The following KLHL7 variants were observed in gnomAD, a reference collection of about 807,000 sequenced individuals.
The protein encoded by KLHL7 is kelch like family member 7, also known as kelch-like protein 7.
A neutral mutation model predicts 67.4 loss-of-function variants in KLHL7; 44 were observed. That is an observed-to-expected ratio of 0.65 (90% CI 0.51 to 0.84). KLHL7 has a LOEUF of 0.84. Ranked by LOEUF, KLHL7 falls within the 40% of genes least tolerant of loss-of-function variation. KLHL7 has a pLI of 0.00. For missense variants in KLHL7, 362 were observed against 718.1 expected (o/e 0.50, Z 5.67); for synonymous variants, 252 against 243.3 (o/e 1.04, Z -0.33).
At chr7:23,163,449 G>C (rs1211286764) in intron 7 of KLHL7, among the ~76,000 whole-genome samples, 1 of 152,206 alleles carries the variant, frequency 6.6e-6, no homozygotes, top group East Asian at 1.9e-4. Context: ...TGGGATTAGA[G>C]GCATGAGCCA....
intron 2 of KLHL7, 92 bp from the exon 3 acceptor site, chr7:23,124,596 T>A: frequency 1.3e-6 from 1 of 791,898 alleles, no homozygotes; most frequent in Admixed American, 1.8e-5. Context: ...CCGTTATTTT[T>A]CTGCATATTT....
At chr7:23,118,546 C>G (rs59766914) in intron 1 of KLHL7, among the ~76,000 whole-genome samples, 1 of 152,128 alleles carries the variant, frequency 6.6e-6, no homozygotes, top group African/African-American at 2.4e-5. Context: ...TATCTGTTGT[C>G]GGTGTCCTCT....
In KLHL7 at chr7:23,140,940, A is replaced by T. The variant is rs575964171; in HGVS notation, c.614A>T (p.Asp205Val). ...GACACTCTGACTGTGAGAGCAGAGGATCAGGTGACTAAATTGCCTTCTCAC... is the reference window on the plus strand; with the variant it reads ...GACACTCTGACTGTGAGAGCAGAGGTTCAGGTGACTAAATTGCCTTCTCAC... ...NQDTLTVRAE[D>V]QVYDAAVRWL... Residue 205 changes from aspartate to valine, a missense_variant, in exon 5 of 11, where the codon GAT becomes GTT. Transcript: ENST00000339077. 6.2e-7 allele frequency: 1 copy of T among 1,613,286 alleles called. No individual in the cohort carries two copies. The highest frequency in any genetic ancestry group is 1.3e-5 in the African/African-American group (1 of 75,054).
intron 9 of KLHL7, among the ~76,000 whole-genome samples, chr7:23,171,384 A>G (rs1785157073): frequency 6.6e-6 from 1 of 152,154 alleles, no homozygotes; most frequent in Non-Finnish European, 1.5e-5. Flanking sequence ...TGTAAATGGA[A>G]TTTTTCCAAG....
Position 23,124,599 on chromosome 7 carries a change from G to C in KLHL7, c.224-89G>C. The stretch of plus-strand genomic sequence containing the variant: ...GAGAGAACTGTCCCGTTATTTTTCT[G>C]CATATTTAACATGGCCTGGAATGCC... On this transcript the variant is annotated intron_variant, in intron 2 of 10. Coordinates refer to ENST00000339077, the MANE Select transcript of KLHL7 (RefSeq NM_001031710.3). 3.7e-6 allele frequency: 3 copies of C among 801,592 alleles called. No homozygotes were observed. The South Asian group carries it at 4.2e-5, about 11-fold the overall frequency. 49.7% of individuals were successfully genotyped at this position (801,592 alleles called of 1,614,324 possible).
chr7:23,139,086 G>C (rs1420691359), intron 4 of KLHL7, among the ~76,000 whole-genome samples: 1 of 104,624 alleles, frequency 9.6e-6, no homozygotes, highest in African/African-American at 6.1e-5. Flanking sequence ...ATTTATTAAT[G>C]CTAAAAAAAA....
chr7:23,128,377 G>A (rs1413266905), intron 4 of KLHL7, among the ~76,000 whole-genome samples: 2 of 134,426 alleles, frequency 1.5e-5, no homozygotes, highest in Non-Finnish European at 3.1e-5. Flanking sequence ...AGAAGGAACA[G>A]ATGGAGAAAG....
At chr7:23,110,676 A>G (rs1251837030) in intron 1 of KLHL7, among the ~76,000 whole-genome samples, 1 of 151,822 alleles carries the variant, frequency 6.6e-6, no homozygotes, top group Non-Finnish European at 1.5e-5. Flanking sequence ...CAGGTTTGTT[A>G]CATATGTATA....
chr7:23,131,733 C>CTTTTTTT (rs59719158), intron 4 of KLHL7, among the ~76,000 whole-genome samples: 1 of 125,258 alleles, frequency 8.0e-6, no homozygotes, highest in Non-Finnish European at 1.7e-5. Context: ...CTTATTTATT[C>CTTTTTTT]TTTTTTTTTT....
intron 6 of KLHL7, among the ~76,000 whole-genome samples, chr7:23,149,976 T>C (rs1208089049): frequency 6.6e-6 from 1 of 152,214 alleles, no homozygotes; most frequent in Admixed American, 6.5e-5. Context: ...CATAGCCTCA[T>C]TTATAGAAAT....
chr7:23,172,853 A>G, intron 9 of KLHL7, 95 bp from the exon 10 acceptor site: 2 of 918,034 alleles, frequency 2.2e-6, no homozygotes, highest in Admixed American at 3.5e-5. Context: ...TGTGAGTAGT[A>G]AATGAGCACT....
At chr7:23,141,347 A>G (rs548654280) in intron 5 of KLHL7, among the ~76,000 whole-genome samples, 2 of 152,370 alleles carry the variant, frequency 1.3e-5, no homozygotes, top group South Asian at 4.1e-4. Context: ...GGCAGCGTCA[A>G]GTGGTGCAAT....
intron 4 of KLHL7, chr7:23,125,786 C>T (rs1218236879): frequency 1.3e-6 from 2 of 1,523,512 alleles, no homozygotes; most frequent in Non-Finnish European, 1.8e-6. Context: ...TTGATCAGAG[C>T]CTTCCAGAGT....
rs1245385260 is a variant in KLHL7 at position 23,152,101 on chromosome 7, C to T, written c.828C>T (p.Asp276=). The change falls in exon 7 of 11, where the codon GAC becomes GAT. Residue 276 remains aspartate (D), a synonymous_variant. Transcript: ENST00000339077. ...GGTACCATCTACTGTCTCCAGAGGA[C>T]CGAGAAGAACTTGTAGATGGCACAA... ...GMRYHLLSPE[D]REELVDGTRP... is the part of the protein sequence containing the mutation. The T allele has an allele frequency of 1.2e-6, 2 of 1,613,696 alleles. No homozygotes were observed. The highest frequency in any genetic ancestry group is 2.7e-5 in the African/African-American group (2 of 74,892).
intron 6 of KLHL7, among the ~76,000 whole-genome samples, chr7:23,151,163 T>TTG (rs1554290801): frequency 5.5e-5 from 8 of 146,270 alleles, no homozygotes; most frequent in African/African-American, 1.8e-4. Context: ...TTTTGTTTTT[T>TTG]TTTTTTTCTT....
At chr7:23,120,786 G>A (rs1441007262) in intron 1 of KLHL7, among the ~76,000 whole-genome samples, 1 of 152,064 alleles carries the variant, frequency 6.6e-6, no homozygotes, top group East Asian at 1.9e-4. Flanking sequence ...GGCTGGCCGT[G>A]AACTCCTGGT....
Position 23,140,732 on chromosome 7 carries a change from A to G in KLHL7, c.443-37A>G, listed in dbSNP as rs377335055. The G allele has an allele frequency of 1.1e-5, 18 of 1,588,934 alleles. No individual in the cohort carries two copies. The African/African-American group carries it at 1.3e-4, about 12-fold the overall frequency. The stretch of plus-strand genomic sequence containing the variant: ...GAATGTATACTTGGTTTTTCTAAAA[A>G]TGATTTTCTATTCTTTTATTTTCTT... On this transcript the variant is annotated intron_variant, in intron 4 of 10. Transcript: ENST00000339077.
chr7:23,132,105 C>T (rs188966295), intron 4 of KLHL7, among the ~76,000 whole-genome samples: 64 of 152,310 alleles, frequency 4.2e-4, no homozygotes, highest in Admixed American at 1.0e-3. Context: ...GACAGTGCTG[C>T]AGCAAACATA....
chr7:23,155,340 C>T (rs1784668087), intron 7 of KLHL7, among the ~76,000 whole-genome samples: 1 of 151,400 alleles, frequency 6.6e-6, no homozygotes, highest in Non-Finnish European at 1.5e-5. Context: ...TTTTTTTTTC[C>T]CCAAAGAAAA....
Sources: allele counts gnomAD v4.1 joint callset (sites outside exome capture counted in the v4.1 genomes callset), GRCh38; gene constraint gnomAD v4.1.1; transcripts MANE v1.5; gene names NCBI Gene and HGNC (gene_info 2026-07-23, HGNC 2026-07-21).